The following MKKS variants were observed in gnomAD, a reference collection of about 807,000 sequenced individuals.
MKKS encodes the protein molecular chaperone MKKS.
A neutral mutation model predicts 33.2 loss-of-function variants in MKKS; 29 were observed. The ratio of observed to expected loss-of-function variants is 0.87; its 90% CI spans 0.65 to 1.19. The LOEUF (loss-of-function observed/expected upper bound fraction) is 1.19, where lower values mean the gene tolerates loss of function less well. MKKS is among the 50% of genes most tolerant of loss of function. The probability of loss-of-function intolerance (pLI) is 0.00; values close to 1 mark genes in which losing one functional copy is unlikely to be tolerated. For missense variants in MKKS, 661 were observed against 662.3 expected (o/e 1.00, Z 0.02); for synonymous variants, 260 against 244.0 (o/e 1.07, Z -0.61).
intron 4 of MKKS, 100 bp downstream of exon 4, chr20:10,408,528 A>G: frequency 8.1e-7 from 1 of 1,228,532 alleles, no homozygotes; most frequent in Non-Finnish European, 1.2e-6. Context: ...TTTGCTTTCT[A>G]TACTACCTAG....
intron 1 of MKKS, among the ~76,000 whole-genome samples, chr20:10,422,577 T>C (rs766990792): frequency 2.6e-5 from 4 of 152,194 alleles, no homozygotes; most frequent in Non-Finnish European, 5.9e-5. Context: ...CCTGTGTTGA[T>C]TGACATATGG....
In MKKS at chr20:10,412,919, C is replaced by T; in HGVS notation, c.596G>A (p.Ser199Asn). Residue 199 changes from serine to asparagine, a missense_variant, in exon 3 of 6, where the codon AGT becomes AAT. Physicochemically the swap from Ser to Asn is conservative, Grantham distance 46. Coordinates refer to ENST00000347364, the MANE Select transcript of MKKS (RefSeq NM_170784.3). ...TTGACCTTTTAAAGGTACAATTAAA[C>T]TCTTTCCTAAAATGATGTGGCCTTC... Reference protein sequence around the residue: ...NAEGHIILGKSLIVPLKGQRV... With the variant: ...NAEGHIILGKNLIVPLKGQRV... 6.2e-7 allele frequency: 1 copy of T among 1,613,636 alleles called. No homozygotes were observed. The highest frequency in any genetic ancestry group is 8.5e-7 in the Non-Finnish European group (1 of 1,179,808).
intron 1 of MKKS, among the ~76,000 whole-genome samples, chr20:10,428,628 C>T (rs1269091248): frequency 2.0e-5 from 3 of 152,124 alleles, no homozygotes. Context: ...CACTTGAGGT[C>T]AGGATTTTGA....
intron 3 of MKKS, among the ~76,000 whole-genome samples, chr20:10,410,585 G>A (rs1023752305): frequency 1.1e-4 from 17 of 152,130 alleles, no homozygotes; most frequent in South Asian, 2.1e-4. Context: ...CCGAGATTGC[G>A]CCACTGCACT....
At chr20:10,407,859 C>A in intron 4 of MKKS, 133 bp from the exon 5 acceptor site, 1 of 727,558 alleles carries the variant, frequency 1.4e-6, no homozygotes, top group Non-Finnish European at 2.4e-6. Context: ...TTGTGTGGTG[C>A]CAAGGTTGTC....
rs73896551 is a variant in MKKS at position 10,427,649 on chromosome 20, T to C, written c.-649+6459A>G. Among the ~76,000 whole-genome samples the C allele has an allele frequency of 6.4e-3, 978 of 152,370 alleles. 9 individuals are homozygous for C. The highest frequency in any genetic ancestry group is 0.022 in the African/African-American group (929 of 41,594). On this transcript the variant is annotated intron_variant, in intron 1 of 5. Coordinates refer to ENST00000347364, the MANE Select transcript of MKKS (RefSeq NM_170784.3). ...TTTCTGTGTACACAATAGAAAAGAC[T>C]GCACGTGGTCTTCAACTGTGCTATG...
At chr20:10,427,981 T>TA (rs1442624805) in intron 1 of MKKS, among the ~76,000 whole-genome samples, 3 of 152,248 alleles carry the variant, frequency 2.0e-5, no homozygotes, top group Non-Finnish European at 1.5e-5. Context: ...CAGGTATGCG[T>TA]AAGTATCTTA....
intron 5 of MKKS, among the ~76,000 whole-genome samples, chr20:10,406,342 C>T (rs1381213585): frequency 2.0e-5 from 3 of 152,170 alleles, no homozygotes; most frequent in Non-Finnish European, 2.9e-5. Flanking sequence ...CAATGATAGA[C>T]TGCATATACA....
Position 10,401,419 on chromosome 20 carries a change from A to C in MKKS, c.*3828T>G, listed in dbSNP as rs937593153. ...AATTATAAAGATATCAGATATTCAA[A>C]ATTGACTTTTCCTTCAGATTAAGAG... On this transcript the variant is annotated 3_prime_UTR_variant, in exon 6 of 6. Coordinates refer to ENST00000347364, the MANE Select transcript of MKKS (RefSeq NM_170784.3). 1.3e-5 allele frequency: 2 copies of C among 152,162 alleles called. No individual in the cohort carries two copies. Among genetic ancestry groups the C allele is most frequent in the Non-Finnish European group, 2.9e-5 (2 of 68,016 alleles). The allele number at this position is 152,162 out of a possible 1,614,324, so 9.4% of individuals were successfully genotyped here.
At chr20:10,415,840 T>TTAAAATGA (rs578236079) in intron 2 of MKKS, among the ~76,000 whole-genome samples, 182 of 152,254 alleles carry the variant, frequency 1.2e-3, no homozygotes, top group Admixed American at 3.0e-3. Flanking sequence ...CCAGTACACA[T>TTAAAATGA]ATCTTTTGGC....
intron 1 of MKKS, among the ~76,000 whole-genome samples, chr20:10,425,091 GTTCTT>G (rs2065007062): frequency 6.6e-6 from 1 of 151,402 alleles, no homozygotes; most frequent in Admixed American, 6.6e-5. Flanking sequence ...TAGCATTACT[GTTCTT>G]TTCTAATAAA....
In MKKS at chr20:10,413,075, G is replaced by C; in HGVS notation, c.440C>G (p.Thr147Ser). ...ACGCACCAAACAAAGGAGGATCTGA[G>C]TACTACTAAAGTCCACTGGGATTCG... ...GCRIPVDFSS[T>S]QILLCLVRSI... The change falls in exon 3 of 6, where the codon ACT becomes AGT. Residue 147 changes from threonine to serine, a missense_variant. Transcript: ENST00000347364. The C allele has an allele frequency of 6.2e-7, 1 of 1,614,004 alleles. No individual in the cohort carries two copies. Among genetic ancestry groups the C allele is most frequent in the Non-Finnish European group, 8.5e-7 (1 of 1,180,026 alleles).
chr20:10,411,130 G>T (rs1187842186), intron 3 of MKKS, among the ~76,000 whole-genome samples: 1 of 151,328 alleles, frequency 6.6e-6, no homozygotes, highest in Non-Finnish European at 1.5e-5. Flanking sequence ...GGGATTACAA[G>T]TGCGGCCACC....
Position 10,407,600 on chromosome 20 carries a change from G to C in MKKS, c.1272+16C>G. 6.2e-7 allele frequency: 1 copy of C among 1,603,012 alleles called. No homozygotes were observed. Among genetic ancestry groups the C allele is most frequent in the Non-Finnish European group, 8.5e-7 (1 of 1,170,354 alleles). On this transcript the variant is annotated intron_variant, in intron 5 of 5. Transcript: ENST00000347364. ...GCTGAGAATTCAGGTAATCCGAAGAGGATTATCTTACATACCTTGTGTCTG... is the reference window on the plus strand; with the variant it reads ...GCTGAGAATTCAGGTAATCCGAAGACGATTATCTTACATACCTTGTGTCTG...
intron 2 of MKKS, among the ~76,000 whole-genome samples, chr20:10,416,270 G>T (rs530318847): frequency 6.6e-6 from 1 of 152,210 alleles, no homozygotes; most frequent in South Asian, 2.1e-4. Context: ...ACAAACAGGT[G>T]AAAGTTTTTC....
rs2064859757 is a variant in MKKS at position 10,408,683 on chromosome 20, G to A, written c.1106C>T (p.Thr369Ile). Reference protein sequence around the residue: ...HFFHLIPNEATICSLLLCNRN... With the variant: ...HFFHLIPNEAIICSLLLCNRN... ...GTTGCAGAGAAGCAAGCTGCAGATT[G>A]TTGCTTCATTAGGAATAAGATGAAA... is the stretch of plus-strand genomic sequence containing the variant. Residue 369 changes from threonine to isoleucine, a missense_variant, in exon 4 of 6, where the codon ACA becomes ATA. By Grantham distance (89) the Thr-to-Ile change is moderately conservative. Transcript: ENST00000347364. 2 of 1,613,898 alleles carry A rather than the reference G, an allele frequency of 1.2e-6. No homozygotes were observed. Among genetic ancestry groups the A allele is most frequent in the African/African-American group, 2.7e-5 (2 of 74,884 alleles).
At chr20:10,428,858 T>G (rs1346995081) in intron 1 of MKKS, among the ~76,000 whole-genome samples, 1 of 151,934 alleles carries the variant, frequency 6.6e-6, no homozygotes, top group African/African-American at 2.4e-5. Context: ...AATAAATAAA[T>G]AAATAAAACT....
chr20:10,423,973 T>C (rs2064997967), intron 1 of MKKS, among the ~76,000 whole-genome samples: 1 of 149,794 alleles, frequency 6.7e-6, no homozygotes, highest in South Asian at 2.2e-4. Context: ...ATATCTCATA[T>C]ATTGATTTGG....
intron 5 of MKKS, among the ~76,000 whole-genome samples, chr20:10,406,779 T>C (rs896677013): frequency 2.6e-5 from 4 of 152,216 alleles, no homozygotes; most frequent in African/African-American, 9.6e-5. Flanking sequence ...GAATACATTA[T>C]TGTCCATTCA....
Sources: allele counts gnomAD v4.1 joint callset (sites outside exome capture counted in the v4.1 genomes callset), GRCh38; gene constraint gnomAD v4.1.1; transcripts MANE v1.5; gene names NCBI Gene and HGNC (gene_info 2026-07-23, HGNC 2026-07-21).